SNX5: variants seen among roughly 807,000 people sequenced by gnomAD.
SNX5 encodes sorting nexin-5.
In SNX5, 31 loss-of-function variants were observed where a neutral mutation model predicts 53.9. That is an observed-to-expected ratio of 0.58 (90% CI 0.43 to 0.78). The LOEUF (loss-of-function observed/expected upper bound fraction) is 0.78, where lower values mean the gene tolerates loss of function less well. Ranked by LOEUF, SNX5 falls within the 30% of genes least tolerant of loss-of-function variation. The probability of loss-of-function intolerance (pLI) is 0.00; values close to 1 mark genes in which losing one functional copy is unlikely to be tolerated. For missense variants in SNX5, 471 were observed against 478.8 expected (o/e 0.98, Z 0.15); for synonymous variants, 168 against 171.1 (o/e 0.98, Z 0.14).
At chr20:17,959,358 T>C (rs1305207256) in intron 1 of SNX5, among the ~76,000 whole-genome samples, 2 of 152,240 alleles carry the variant, frequency 1.3e-5, no homozygotes, top group Non-Finnish European at 2.9e-5. Context: ...TCTTCCTTTC[T>C]GGTTAGTATA....
intron 4 of SNX5, among the ~76,000 whole-genome samples, chr20:17,953,774 G>A (rs761733222): frequency 2.0e-5 from 3 of 152,248 alleles, no homozygotes; most frequent in South Asian, 2.1e-4. Flanking sequence ...CTACTCTATC[G>A]GGTATTAGTG....
chr20:17,949,169 G>T, intron 8 of SNX5, 66 bp from the exon 9 acceptor site: 1 of 1,363,826 alleles, frequency 7.3e-7, no homozygotes, highest in Non-Finnish European at 1.0e-6. Context: ...TCTTACCAGT[G>T]TGCAAGACAG....
At chr20:17,942,564 G>A (rs367651667) in intron 12 of SNX5, 157 bp from the exon 13 acceptor site, 6 of 648,946 alleles carry the variant, frequency 9.2e-6, no homozygotes, top group African/African-American at 5.5e-5. Flanking sequence ...GAACTGCAAC[G>A]TACCACGCAT....
rs911518496 is a variant in SNX5 at position 17,952,658 on chromosome 20, G to C, written c.442C>G (p.Gln148Glu). 1.9e-6 allele frequency: 3 copies of C among 1,614,110 alleles called. No homozygotes were observed. The highest frequency in any genetic ancestry group is 1.7e-6 in the Non-Finnish European group (2 of 1,179,988). ...AGAACAGGGTGAGAAGAAAGCCGCT[G>C]AAGAAAGACTTCATGGGAGGACACA... is the stretch of plus-strand genomic sequence containing the variant. Reference protein sequence around the residue: ...KTVSSHEVFLQRLSSHPVLSK... With the variant: ...KTVSSHEVFLERLSSHPVLSK... The change falls in exon 5 of 13, where the codon CAG (glutamine) becomes GAG (glutamate). Residue 148 changes from glutamine to glutamate, a missense_variant. Physicochemically the swap from Gln to Glu is conservative, Grantham distance 29 (BLOSUM62 2). Transcript: ENST00000377759.
chr20:17,961,719 T>TC (rs2035453624), intron 1 of SNX5: 6 of 985,362 alleles, frequency 6.1e-6, no homozygotes, highest in Non-Finnish European at 6.0e-6. Context: ...TTTCAAACTA[T>TC]CTGTTCCTAG....
chr20:17,967,473 G>C (rs996491153), intron 1 of SNX5, among the ~76,000 whole-genome samples: 2 of 152,322 alleles, frequency 1.3e-5, no homozygotes, highest in East Asian at 3.9e-4. Flanking sequence ...AGATGAACAA[G>C]TTTCTCTATG....
chr20:17,962,063 C>G, intron 1 of SNX5: 1 of 816,948 alleles, frequency 1.2e-6, no homozygotes, highest in Non-Finnish European at 1.5e-6. Context: ...ATTGGTGCTC[C>G]GAATTGTTAC....
intron 1 of SNX5, among the ~76,000 whole-genome samples, chr20:17,960,985 C>G (rs915368088): frequency 3.9e-5 from 6 of 152,288 alleles, no homozygotes; most frequent in African/African-American, 1.4e-4. Flanking sequence ...CCTTACAATA[C>G]GGATTATAAT....
rs2039501760 is a variant in SNX5 at position 17,947,476 on chromosome 20, C to T, written c.1078+10G>A. 1 of 1,610,312 alleles carries T rather than the reference C, an allele frequency of 6.2e-7. No individual in the cohort carries two copies. The highest frequency in any genetic ancestry group is 1.1e-5 in the South Asian group (1 of 90,350). On this transcript the variant is annotated intron_variant, in intron 11 of 12. Transcript: ENST00000377759. The stretch of plus-strand genomic sequence containing the variant: ...AATTACAGTACAGAAAGAAGAATGT[C>T]CTGCTCAACCTTCTTTTGCAGATTC...
intron 12 of SNX5, chr20:17,942,831 G>A (rs1366570389): frequency 7.7e-6 from 3 of 389,574 alleles, no homozygotes; most frequent in East Asian, 9.9e-5. Flanking sequence ...GCCAAGGCAG[G>A]TGGATCACCT....
intron 3 of SNX5, among the ~76,000 whole-genome samples, chr20:17,954,677 A>G (rs2035323922): frequency 6.6e-6 from 1 of 152,206 alleles, no homozygotes; most frequent in African/African-American, 2.4e-5. Flanking sequence ...CCGCCAAGAA[A>G]TAACAATCAA....
chr20:17,952,799 T>C (rs2039589119), intron 4 of SNX5, 89 bp from the exon 5 acceptor site: 3 of 1,466,528 alleles, frequency 2.0e-6, no homozygotes, highest in Middle Eastern at 1.8e-4. Flanking sequence ...GCCCTGCTCA[T>C]GCCACCACAT....
At position 17,968,521 on chromosome 20, in the gene SNX5, C is replaced by CA; in HGVS notation, c.-97dup. ...CGCCTGGGCGCCTCTCGGGGGCGGC[C>CA]ACGGCCCCGCCTCCGCCGGCCTCCC... is the stretch of plus-strand genomic sequence containing the variant. On this transcript the variant is annotated 5_prime_UTR_variant, in exon 1 of 13. Coordinates refer to ENST00000377759, the MANE Select transcript of SNX5 (RefSeq NM_014426.4). The CA allele has an allele frequency of 8.7e-7, 1 of 1,144,802 alleles. No homozygotes were observed. The highest frequency in any genetic ancestry group is 1.1e-6 in the Non-Finnish European group (1 of 879,968). 70.9% of individuals were successfully genotyped at this position (1,144,802 alleles called of 1,614,324 possible).
chr20:17,949,966 A>T (rs1298735476), intron 8 of SNX5, among the ~76,000 whole-genome samples, 166 bp downstream of exon 8: 5 of 152,240 alleles, frequency 3.3e-5, no homozygotes, highest in African/African-American at 4.8e-5. Context: ...TTGTCTTACA[A>T]GTGTCTTATG....
intron 4 of SNX5, 136 bp from the exon 5 acceptor site, chr20:17,952,846 A>C: frequency 9.8e-7 from 1 of 1,025,226 alleles, no homozygotes; most frequent in Middle Eastern, 2.2e-4. Context: ...ATTTCAGTAT[A>C]AACTGGTGTC....
rs546808858 is a variant in SNX5 at position 17,968,306 on chromosome 20, G to A, written c.51+69C>T. On this transcript the variant is annotated intron_variant, in intron 1 of 12. Coordinates refer to ENST00000377759, the MANE Select transcript of SNX5 (RefSeq NM_014426.4). The stretch of plus-strand genomic sequence containing the variant: ...AGCCACGGCCTATGGACGCGCAAGG[G>A]AAAGAATGCAGCGACCCCGGAGCTC... 203 of 1,201,196 alleles carry A rather than the reference G, an allele frequency of 1.7e-4. No homozygotes were observed. The African/African-American group carries it at 1.9e-3, about 11-fold the overall frequency. 74.4% of individuals were successfully genotyped at this position (1,201,196 alleles called of 1,614,324 possible).
chr20:17,956,159 CTT>C (rs1480399986), intron 2 of SNX5, among the ~76,000 whole-genome samples: 1 of 151,836 alleles, frequency 6.6e-6, no homozygotes, highest in East Asian at 1.9e-4. Context: ...AAAAAAACCT[CTT>C]AGCTGTAACT....
At chr20:17,967,930 G>GCC (rs113081363) in intron 1 of SNX5, 8 of 355,686 alleles carry the variant, frequency 2.2e-5, no homozygotes, top group Admixed American at 9.5e-5. Flanking sequence ...AGTTGTTTGG[G>GCC]CCCCCCCCCC....
chr20:17,967,788 AAG>A (rs1378233990), intron 1 of SNX5: 1 of 330,452 alleles, frequency 3.0e-6, no homozygotes, highest in Non-Finnish European at 5.4e-6. Flanking sequence ...ATCAATGGGC[AAG>A]ACTTAAAAAT....
Sources: gnomAD v4.1 joint callset for allele counts (sites outside exome capture counted in the v4.1 genomes callset) on GRCh38, gnomAD v4.1.1 for gene constraint, MANE v1.5 for transcripts, NCBI Gene and HGNC (gene_info 2026-07-23, HGNC 2026-07-21) for gene names.